Variants in DNHD1 observed in about 807,000 individuals in gnomAD.
The protein encoded by DNHD1 is dynein heavy chain domain-containing protein 1.
A neutral mutation model predicts 458.1 loss-of-function variants in DNHD1; 383 were observed. The observed-to-expected ratio is 0.84, with a 90% CI of 0.77 to 0.91. The LOEUF is 0.91. DNHD1 is among the 40% of genes least tolerant of loss of function. The pLI, the probability that DNHD1 is intolerant of heterozygous loss-of-function variation, is 0.00. For synonymous variants in DNHD1, 2,203 were observed against 2,376.9 expected (o/e 0.93, Z 2.13); for missense variants, 5,336 against 5,866.1 (o/e 0.91, Z 2.95).
intron 24 of DNHD1, among the ~76,000 whole-genome samples, chr11:6,552,625 C>A (rs1853381939): frequency 6.8e-6 from 1 of 147,586 alleles, no homozygotes; most frequent in South Asian, 2.1e-4. Context: ...GAAGGGGAGG[C>A]AAGGCACATC....
At position 6,571,755 on chromosome 11, in the gene DNHD1, A is replaced by G. The variant is rs1260011990; in HGVS notation, c.14031A>G (p.Gln4677=). 3 of 1,613,416 alleles carry G rather than the reference A, an allele frequency of 1.9e-6. No homozygotes were observed. The highest frequency in any genetic ancestry group is 1.6e-4 in the Middle Eastern group (1 of 6,062). ...AGALQDSPSS[Q]PSPLPPVSIS... is the part of the protein sequence containing the mutation. The stretch of plus-strand genomic sequence containing the variant: ...CCTTGCAGGACAGTCCTTCCAGCCA[A>G]CCCAGCCCTCTGCCTCCCGTCAGCA... The change falls in exon 43 of 43, where the codon CAA becomes CAG. Residue 4677 remains glutamine, a synonymous_variant. Transcript: ENST00000254579. The surrounding 1 kb of genome is among the most constrained non-coding windows in gnomAD (Gnocchi z 5.0).
At chr11:6,553,962 AT>A (rs34067184) in intron 24 of DNHD1, among the ~76,000 whole-genome samples, 3 of 151,356 alleles carry the variant, frequency 2.0e-5, no homozygotes, top group African/African-American at 7.3e-5. Flanking sequence ...ATCTTAACAG[AT>A]TTTTTTTTGG....
chr11:6,566,298 G>A lies in DNHD1; in HGVS notation c.11111G>A (p.Trp3704Ter). Residue 3704 changes from tryptophan (W) to a stop codon, truncating the protein, a stop_gained, in exon 34 of 43, where the codon TGG (tryptophan) becomes TAG (stop). Transcript: ENST00000254579. LOFTEE classifies it high-confidence loss of function. ...GGTCTAGGGTGCGAAGAACTGCAATGGCTGCTGCAACGGGAGCAGCTGAGT... is the reference window on the plus strand; with the variant it reads ...GGTCTAGGGTGCGAAGAACTGCAATAGCTGCTGCAACGGGAGCAGCTGAGT... ...ELGLGCEELQ[W>*]LLQREQLSPP... The A allele has an allele frequency of 1.3e-6, 2 of 1,551,870 alleles. No individual in the cohort carries two copies. Among genetic ancestry groups the A allele is most frequent in the Non-Finnish European group, 1.7e-6 (2 of 1,147,086 alleles).
Position 6,567,810 on chromosome 11 carries a change from A to T in DNHD1, c.12301A>T (p.Thr4101Ser). The change falls in exon 36 of 43, where the codon ACT becomes TCT. Residue 4101 changes from threonine to serine, a missense_variant. By Grantham distance (58) the Thr-to-Ser change is moderately conservative (BLOSUM62 1). Around this residue, in one of 4 missense-constraint regions of DNHD1, gnomAD observed 695 missense variants for 804.2 expected, o/e 0.86. Transcript: ENST00000254579. Reference protein sequence around the residue: ...LLPPPGHPSATLHPLTVIQKL... With the variant: ...LLPPPGHPSASLHPLTVIQKL... ...GCCACCGCCTGGCCACCCCTCAGCC[A>T]CTCTGCATCCTCTGACTGTCATCCA... is the stretch of plus-strand genomic sequence containing the variant. The T allele has an allele frequency of 6.2e-7, 1 of 1,613,378 alleles. No homozygotes were observed. The highest frequency in any genetic ancestry group is 1.7e-4 in the Middle Eastern group (1 of 6,060).
rs192904145 is a variant in DNHD1, at chr11:6,545,802, G to A, written c.4863G>A (p.Gln1621=). Residue 1621 remains glutamine, a synonymous_variant, in exon 21 of 43, where the codon CAG becomes CAA. Transcript: ENST00000254579. This position sits in a 1 kb window ranked among gnomAD's most constrained non-coding sequence, Gnocchi z 4.9. ...SPHIIPKSPL[Q]SLKTIASSEP... The stretch of plus-strand genomic sequence containing the variant: ...ACATAATCCCCAAAAGCCCCCTACA[G>A]AGTCTTAAGACTATTGCATCTTCTG... 22 of 1,551,884 alleles carry A rather than the reference G, an allele frequency of 1.4e-5. No homozygotes were observed. In the Admixed American group the frequency reaches 3.7e-4, roughly 26 times the overall value.
Position 6,558,197 on chromosome 11 carries a change from G to A in DNHD1, c.8902G>A (p.Gly2968Ser). 6.4e-7 allele frequency: 1 copy of A among 1,551,658 alleles called. No homozygotes were observed. Among genetic ancestry groups the A allele is most frequent in the South Asian group, 1.2e-5 (1 of 84,050 alleles). ...LALATSGSFP[G>S]QYTEADLDRI... is the part of the protein sequence containing the mutation. ...CCTGGCAACCTCAGGCAGTTTCCCT[G>A]GCCAGTACACAGAAGCAGATTTGGA... The change falls in exon 25 of 43, where the codon GGC (glycine) becomes AGC (serine). Residue 2968 changes from glycine (G) to serine (S), a missense_variant. Physicochemically the swap from Gly to Ser is moderately conservative, Grantham distance 56. Around this residue, in one of 4 missense-constraint regions of DNHD1, gnomAD observed 3,932 missense variants for 4,365.6 expected, o/e 0.90. Coordinates refer to ENST00000254579, the MANE Select transcript of DNHD1 (RefSeq NM_144666.3).
intron 7 of DNHD1, among the ~76,000 whole-genome samples, chr11:6,514,282 T>G (rs1852410077): frequency 2.6e-5 from 4 of 152,080 alleles, no homozygotes; most frequent in Non-Finnish European, 5.9e-5. Context: ...TTTTATATTT[T>G]TAGTGGAGAC....
Position 6,546,881 on chromosome 11 carries a change from C to T in DNHD1, c.5942C>T (p.Ala1981Val), listed in dbSNP as rs1234001127. 1 of 1,551,758 alleles carries T rather than the reference C, an allele frequency of 6.4e-7. No homozygotes were observed. The highest frequency in any genetic ancestry group is 2.4e-5 in the East Asian group (1 of 40,916). Residue 1981 changes from alanine to valine, a missense_variant, in exon 21 of 43, where the codon GCC becomes GTC. Physicochemically the swap from Ala to Val is moderately conservative, Grantham distance 64. Coordinates refer to ENST00000254579, the MANE Select transcript of DNHD1 (RefSeq NM_144666.3). Reference protein sequence around the residue: ...ILGSLEQLSQALSRASGILLL... With the variant: ...ILGSLEQLSQVLSRASGILLL... ...GGGTCCTTGGAACAGTTGAGCCAGG[C>T]CCTGAGCCGGGCCTCAGGCATTCTG...
In DNHD1 at chr11:6,528,958, G is replaced by T; in HGVS notation, c.2184G>T (p.Gly728=). ...TTTATGAATTCCTGCAATCCTGGGGGCCTCAGAAGCTGGAAGACATGAGAG... is the reference window on the plus strand; with the variant it reads ...TTTATGAATTCCTGCAATCCTGGGGTCCTCAGAAGCTGGAAGACATGAGAG... ...TGIYEFLQSW[G]PQKLEDMRGG... Residue 728 remains glycine, a synonymous_variant, in exon 12 of 43, where the codon GGG becomes GGT. Transcript: ENST00000254579. The T allele has an allele frequency of 6.4e-7, 1 of 1,551,662 alleles. No homozygotes were observed. Among genetic ancestry groups the T allele is most frequent in the Non-Finnish European group, 8.7e-7 (1 of 1,146,968 alleles).
rs1434277330 is a variant in DNHD1 at position 6,556,752 on chromosome 11, A to AC, written c.7458dup (p.Ser2487GlnfsTer25). Reference sequence around the variant, plus strand: ...GCCATGGATGGCACTGTGTATGCCCACAGCACCTTGGAACTGCAGACGCTG... The same window carrying AC: ...GCCATGGATGGCACTGTGTATGCCCACCAGCACCTTGGAACTGCAGACGCTG... On this transcript the variant is annotated frameshift_variant, in exon 25 of 43. Transcript: ENST00000254579. LOFTEE classifies it high-confidence loss of function. The AC allele has an allele frequency of 1.9e-6, 3 of 1,551,516 alleles. No homozygotes were observed. The African/African-American group carries it at 4.1e-5, about 21-fold the overall frequency.
Position 6,497,874 on chromosome 11 carries a change from A to C in DNHD1, c.-342A>C. 1 of 285,892 alleles carries C rather than the reference A, an allele frequency of 3.5e-6. No homozygotes were observed. The highest frequency in any genetic ancestry group is 6.6e-6 in the Non-Finnish European group (1 of 150,458). The allele number at this position is 285,892 out of a possible 1,614,324, so 17.7% of individuals were successfully genotyped here. A position where few individuals can be genotyped will look rare whatever the true frequency, so the allele number is the denominator to read the frequency against. ...GGGGGACAGGGTACTGGGAGGTAAGAAGGAACTCTTCTGCAAGGAGGGCTC... is the reference window on the plus strand; with the variant it reads ...GGGGGACAGGGTACTGGGAGGTAAGCAGGAACTCTTCTGCAAGGAGGGCTC... On this transcript the variant is annotated 5_prime_UTR_variant, in exon 3 of 43. Coordinates refer to ENST00000254579, the MANE Select transcript of DNHD1 (RefSeq NM_144666.3).
At position 6,509,654 on chromosome 11, in the gene DNHD1, A is replaced by G. The variant is rs74055838; in HGVS notation, c.1235+382A>G. ...AATGTCAGATCTGGGGGTCTAATTCAGTTGTTTGAATCCAAACTCTGTGTT... is the reference window on the plus strand; with the variant it reads ...AATGTCAGATCTGGGGGTCTAATTCGGTTGTTTGAATCCAAACTCTGTGTT... On this transcript the variant is annotated intron_variant, in intron 6 of 42. Transcript: ENST00000254579. Among the ~76,000 whole-genome samples, 1,416 of 152,206 alleles carry G rather than the reference A, an allele frequency of 9.3e-3. 22 individuals are homozygous for G. The highest frequency in any genetic ancestry group is 0.031 in the African/African-American group (1,301 of 41,532).
In DNHD1 at chr11:6,558,541, A is replaced by C; in HGVS notation, c.9059A>C (p.Gln3020Pro). 6.4e-7 allele frequency: 1 copy of C among 1,551,708 alleles called. No homozygotes were observed. Among genetic ancestry groups the C allele is most frequent in the Non-Finnish European group, 8.7e-7 (1 of 1,146,986 alleles). The change falls in exon 26 of 43, where the codon CAG (glutamine) becomes CCG (proline). Residue 3020 changes from glutamine to proline, a missense_variant. Physicochemically the swap from Gln to Pro is moderately conservative, Grantham distance 76. This residue lies in a region of DNHD1 where 3,932 missense variants were observed against 4,365.6 expected (regional missense o/e 0.90). Transcript: ENST00000254579. ...LHLFFLIGDK[Q>P]AHKQLPSTLF... Reference sequence around the variant, plus strand: ...CTGTTCTTCCTGATTGGAGATAAACAGGCCCACAAGCAGCTGCCCTCCACC... The same window carrying C: ...CTGTTCTTCCTGATTGGAGATAAACCGGCCCACAAGCAGCTGCCCTCCACC...
intron 18 of DNHD1, 77 bp downstream of exon 18, chr11:6,540,160 G>T (rs780302480): frequency 6.6e-5 from 86 of 1,294,628 alleles, no homozygotes; most frequent in Non-Finnish European, 8.6e-5. Context: ...ATCAAGGCCT[G>T]CCAGATCTGA....
chr11:6,511,463 C>T (rs1852334723), intron 7 of DNHD1, 34 bp downstream of exon 7: 1 of 1,605,712 alleles, frequency 6.2e-7, no homozygotes, highest in Non-Finnish European at 8.5e-7. Context: ...GGACCTCTTC[C>T]CCAAGTTGAG....
In DNHD1 at chr11:6,566,879, A is replaced by G; in HGVS notation, c.11386-16A>G. On this transcript the variant is annotated splice_polypyrimidine_tract_variant and intron_variant, in intron 35 of 42. Coordinates refer to ENST00000254579, the MANE Select transcript of DNHD1 (RefSeq NM_144666.3). ...TGGGAAAGGGCCAGATCCATCCAAC[A>G]AATGAGTGTATGCAGGAGCGGCTGC... 6.2e-7 allele frequency: 1 copy of G among 1,608,586 alleles called. No individual in the cohort carries two copies.
At chr11:6,569,290 TG>T (rs1298901684) in intron 39 of DNHD1, among the ~76,000 whole-genome samples, 2 of 152,136 alleles carry the variant, frequency 1.3e-5, no homozygotes, top group Non-Finnish European at 2.9e-5. Flanking sequence ...GTGACCATCC[TG>T]GCTAACACAG....
intron 13 of DNHD1, 43 bp from the exon 14 acceptor site, chr11:6,533,638 A>C (rs1273611808): frequency 6.6e-7 from 1 of 1,513,142 alleles, no homozygotes; most frequent in Non-Finnish European, 8.9e-7. Context: ...AAAGAGGTAC[A>C]TGGGGTTGTG....
In DNHD1 at chr11:6,556,788, T is replaced by C; in HGVS notation, c.7493T>C (p.Val2498Ala). The C allele has an allele frequency of 6.4e-7, 1 of 1,551,568 alleles. No homozygotes were observed. Among genetic ancestry groups the C allele is most frequent in the Non-Finnish European group, 8.7e-7 (1 of 1,146,926 alleles). ...TLELQTLQPTVNFLATVTVPG... is the reference protein window; with the variant it reads ...TLELQTLQPTANFLATVTVPG... ...GAACTGCAGACGCTGCAGCCTACAG[T>C]CAACTTCCTTGCCACTGTCACAGTG... is the stretch of plus-strand genomic sequence containing the variant. Residue 2498 changes from valine (V) to alanine (A), a missense_variant, in exon 25 of 43, where the codon GTC (valine) becomes GCC (alanine). Physicochemically the swap from Val to Ala is moderately conservative, Grantham distance 64. Around this residue, in one of 4 missense-constraint regions of DNHD1, gnomAD observed 3,932 missense variants for 4,365.6 expected, o/e 0.90. Coordinates refer to ENST00000254579, the MANE Select transcript of DNHD1 (RefSeq NM_144666.3).
Sources: allele counts gnomAD v4.1 joint callset (sites outside exome capture counted in the v4.1 genomes callset), GRCh38; gene constraint gnomAD v4.1.1; regional missense constraint gnomAD v4.1.1; non-coding constraint Gnocchi (gnomAD v3.1); transcripts MANE v1.5; gene names NCBI Gene and HGNC (gene_info 2026-07-23, HGNC 2026-07-21).